ITGA11: variants seen among roughly 807,000 people sequenced by gnomAD.
The protein encoded by ITGA11 is integrin alpha-11.
Under a neutral mutation model 141.9 loss-of-function variants are expected in ITGA11, and 97 were observed. That is an observed-to-expected ratio of 0.68 (90% confidence interval 0.58 to 0.81). The LOEUF is 0.81. ITGA11 is among the 30% of genes least tolerant of loss of function. The pLI is 0.00. For synonymous variants in ITGA11, 658 were observed against 624.6 expected, an observed-to-expected ratio of 1.05 and a Z score of -0.80; for missense variants, 1,387 against 1,559.2, an observed-to-expected ratio of 0.89 and a Z score of 1.86.
At chr15:68,377,093 A>G (rs1418860652) in intron 2 of ITGA11, among the ~76,000 whole-genome samples, 2 of 152,182 alleles carry the variant, frequency 1.3e-5, no homozygotes, top group Non-Finnish European at 2.9e-5. Context: ...GATTGATTTT[A>G]TCTATTTATT....
chr15:68,378,840 C>A (rs2140373311), intron 2 of ITGA11, among the ~76,000 whole-genome samples: 1 of 152,298 alleles, frequency 6.6e-6, no homozygotes, highest in South Asian at 2.1e-4. Flanking sequence ...TCACAAACGT[C>A]AACTTCATAA....
chr15:68,363,631 C>A (rs1895322547), intron 4 of ITGA11, among the ~76,000 whole-genome samples: 1 of 152,226 alleles, frequency 6.6e-6, no homozygotes, highest in Non-Finnish European at 1.5e-5. Flanking sequence ...CTGACACAAG[C>A]ACCCCATCTA....
In ITGA11 at chr15:68,325,917, G is replaced by A. The variant is rs1893957917; in HGVS notation, c.2212-676C>T. On this transcript the variant is annotated intron_variant, in intron 17 of 29. Transcript: ENST00000315757. The surrounding 1 kb of genome is among the most constrained non-coding windows in gnomAD (Gnocchi z 5.5). ...TCCCCTGGGAGCTTGTTAAAACACA[G>A]GGTGCTGGCGCCAGCCCCAGCCCCA... Among the ~76,000 whole-genome samples, 1 of 152,228 alleles carries A rather than the reference G, an allele frequency of 6.6e-6. No homozygotes were observed.
intron 2 of ITGA11, among the ~76,000 whole-genome samples, chr15:68,380,516 A>C (rs1312021467): frequency 1.3e-5 from 2 of 152,196 alleles, no homozygotes; most frequent in East Asian, 3.9e-4. Flanking sequence ...CGATGAATTT[A>C]GTGTGGAGAA....
At chr15:68,394,320 T>C (rs1028075688) in intron 2 of ITGA11, among the ~76,000 whole-genome samples, 1 of 151,826 alleles carries the variant, frequency 6.6e-6, no homozygotes, top group Non-Finnish European at 1.5e-5. Flanking sequence ...AACTAGAAAA[T>C]CTCCAAATAT....
intron 2 of ITGA11, among the ~76,000 whole-genome samples, chr15:68,374,011 C>T (rs1201360721): frequency 6.6e-6 from 1 of 152,182 alleles, no homozygotes; most frequent in Non-Finnish European, 1.5e-5. Flanking sequence ...TAACTTAAAA[C>T]ATCCTAATGT....
At chr15:68,422,821 C>T (rs1346391287) in intron 1 of ITGA11, among the ~76,000 whole-genome samples, 1 of 152,208 alleles carries the variant, frequency 6.6e-6, no homozygotes, top group Non-Finnish European at 1.5e-5. Flanking sequence ...TAATCTCTCT[C>T]CCACCTCTCA....
chr15:68,330,025 C>T (rs1435712829), intron 15 of ITGA11, among the ~76,000 whole-genome samples: 2 of 152,248 alleles, frequency 1.3e-5, no homozygotes, highest in Admixed American at 6.5e-5. Flanking sequence ...TGCTGAGACA[C>T]TGAGCAAAGA....
chr15:68,412,582 T>C (rs544387843), intron 1 of ITGA11, among the ~76,000 whole-genome samples: 279 of 151,730 alleles, frequency 1.8e-3, no homozygotes, highest in African/African-American at 6.3e-3. Context: ...CTAGGGGGCA[T>C]GACACGAACT....
At chr15:68,370,707 A>T (rs1895561687) in intron 2 of ITGA11, among the ~76,000 whole-genome samples, 1 of 152,196 alleles carries the variant, frequency 6.6e-6, no homozygotes, top group Non-Finnish European at 1.5e-5. Context: ...ATCCCGAGGG[A>T]TGGAGAACAG....
chr15:68,389,809 A>G (rs1001368221), intron 2 of ITGA11, among the ~76,000 whole-genome samples: 1 of 152,146 alleles, frequency 6.6e-6, no homozygotes, highest in African/African-American at 2.4e-5. Flanking sequence ...TCTCCTCTCC[A>G]GGGGTGAGAG....
At chr15:68,343,400 C>T (rs995085826) in intron 10 of ITGA11, among the ~76,000 whole-genome samples, 2 of 152,162 alleles carry the variant, frequency 1.3e-5, no homozygotes, top group African/African-American at 4.8e-5. Flanking sequence ...ACTTCCAGTT[C>T]CAAGCCTTGA....
At chr15:68,348,931 C>T in intron 9 of ITGA11, 31 bp from the exon 10 acceptor site, 1 of 1,571,746 alleles carries the variant, frequency 6.4e-7, no homozygotes, top group Non-Finnish European at 8.7e-7. Context: ...GATGTCAGCT[C>T]CATGCCCAAT....
At position 68,408,005 on chromosome 15, in the gene ITGA11, A is replaced by G. The variant is rs144307252; in HGVS notation, c.53-4976T>C. Reference sequence around the variant, plus strand: ...TCCCTGCCTCTCCTCCTCCTCCCATATAGCTTCCCAGGGATCTTGGGAGAA... The same window carrying G: ...TCCCTGCCTCTCCTCCTCCTCCCATGTAGCTTCCCAGGGATCTTGGGAGAA... On this transcript the variant is annotated intron_variant, in intron 1 of 29. Transcript: ENST00000315757. 5.5e-3 allele frequency among the ~76,000 whole-genome samples: 837 copies of G among 152,278 alleles called. 9 individuals are homozygous for G. The highest frequency in any genetic ancestry group is 0.019 in the African/African-American group (787 of 41,552).
chr15:68,402,843 G>A, intron 2 of ITGA11, 75 bp downstream of exon 2: 1 of 1,010,824 alleles, frequency 9.9e-7, no homozygotes. Context: ...GGCAGCCACA[G>A]GGCACAGGGG....
Position 68,310,863 on chromosome 15 carries a change from G to C in ITGA11, c.3174+131C>G, listed in dbSNP as rs972324583. On this transcript the variant is annotated intron_variant, in intron 26 of 29. Transcript: ENST00000315757. Reference sequence around the variant, plus strand: ...CCTTCAGTTTTTTTCTTGGTTTGGGGCTGGGTACATACAGGTGCTCAGTAA... The same window carrying C: ...CCTTCAGTTTTTTTCTTGGTTTGGGCCTGGGTACATACAGGTGCTCAGTAA... 4.5e-6 allele frequency: 3 copies of C among 670,942 alleles called. No individual in the cohort carries two copies. In the African/African-American group the frequency reaches 5.4e-5, roughly 12 times the overall value. The allele number at this position is 670,942 out of a possible 1,614,324, so 41.6% of individuals were successfully genotyped here.
In ITGA11 at chr15:68,382,412, A is replaced by T. The variant is rs1310768305; in HGVS notation, c.165-13128T>A. On this transcript the variant is annotated intron_variant, in intron 2 of 29. Transcript: ENST00000315757. ...GGCCCTTCCAAACTTTGCAAGGAAAATTAAAAAAAATAAGAAATCTCAACT... is the reference window on the plus strand; with the variant it reads ...GGCCCTTCCAAACTTTGCAAGGAAATTTAAAAAAAATAAGAAATCTCAACT... Among the ~76,000 whole-genome samples the T allele has an allele frequency of 2.6e-5, 4 of 152,290 alleles. No individual in the cohort carries two copies. The East Asian group carries it at 7.7e-4, about 29-fold the overall frequency.
At position 68,332,151 on chromosome 15, in the gene ITGA11, T is replaced by G. The variant is rs530125021; in HGVS notation, c.1567-89A>C. 3.1e-6 allele frequency: 4 copies of G among 1,280,678 alleles called. No individual in the cohort carries two copies. The East Asian group carries it at 1.0e-4, about 33-fold the overall frequency. The allele number at this position is 1,280,678 out of a possible 1,614,324, so 79.3% of individuals were successfully genotyped here. A position where few individuals can be genotyped will look rare whatever the true frequency, so the allele number is the denominator to read the frequency against. On this transcript the variant is annotated intron_variant, in intron 13 of 29. Coordinates refer to ENST00000315757, the MANE Select transcript of ITGA11 (RefSeq NM_001004439.2). ...CCCTCTGCAGGCTGCTCCGGCATCCTCTCACCACTCCATTCCCCAGAACCC... is the reference window on the plus strand; with the variant it reads ...CCCTCTGCAGGCTGCTCCGGCATCCGCTCACCACTCCATTCCCCAGAACCC...
intron 28 of ITGA11, among the ~76,000 whole-genome samples, chr15:68,306,222 G>T (rs929888530): frequency 2.0e-5 from 3 of 150,314 alleles, no homozygotes; most frequent in African/African-American, 7.3e-5. Context: ...GGCATCCAGA[G>T]AGTATAGAGG....
Sources: gnomAD v4.1 joint callset for allele counts (sites outside exome capture counted in the v4.1 genomes callset) on GRCh38, gnomAD v4.1.1 for gene constraint, Gnocchi (gnomAD v3.1) non-coding constraint, MANE v1.5 for transcripts, NCBI Gene and HGNC (gene_info 2026-07-23, HGNC 2026-07-21) for gene names.